Variants in IMMP2L observed in about 807,000 individuals in gnomAD.
IMMP2L encodes the protein mitochondrial inner membrane protease subunit 2.
A neutral mutation model predicts 19.3 loss-of-function variants in IMMP2L; 18 were observed. The ratio of observed to expected loss-of-function variants is 0.93; its 90% CI spans 0.64 to 1.38. The LOEUF is 1.38. IMMP2L is among the 40% of genes most tolerant of loss of function. IMMP2L has a pLI of 0.00. For synonymous variants in IMMP2L, 76 were observed against 73.0 expected, an observed-to-expected ratio of 1.04 and a Z score of -0.21; for missense variants, 233 against 218.2, an observed-to-expected ratio of 1.07 and a Z score of -0.43.
intron 5 of IMMP2L, among the ~76,000 whole-genome samples, chr7:110,722,710 A>T (rs988773252): frequency 1.3e-5 from 2 of 152,116 alleles, no homozygotes; most frequent in African/African-American, 2.4e-5. Flanking sequence ...AACATATACC[A>T]TTATTTCCAG....
intron 3 of IMMP2L, among the ~76,000 whole-genome samples, chr7:111,026,532 T>C (rs905388367): frequency 2.0e-5 from 3 of 152,108 alleles, no homozygotes; most frequent in African/African-American, 7.2e-5. Context: ...AGCCTCTCCC[T>C]GTGCCAATTA....
At chr7:110,681,053 TA>T (rs56082024) in intron 5 of IMMP2L, among the ~76,000 whole-genome samples, 8,490 of 146,878 alleles carry the variant, frequency 0.058, 285 homozygotes, top group Middle Eastern at 0.13. Context: ...TAGTAAGGAT[TA>T]AAAAAAAAAA....
At chr7:111,475,824 C>A (rs1020613845) in intron 3 of IMMP2L, among the ~76,000 whole-genome samples, 1 of 152,134 alleles carries the variant, frequency 6.6e-6, no homozygotes, top group South Asian at 2.1e-4. Context: ...ATTGCAACTA[C>A]AGACATAATC....
intron 3 of IMMP2L, among the ~76,000 whole-genome samples, chr7:111,215,553 A>G (rs1443045742): frequency 6.6e-6 from 1 of 152,178 alleles, no homozygotes; most frequent in Non-Finnish European, 1.5e-5. Flanking sequence ...AATTTCAAAA[A>G]AGATATACAT....
At chr7:110,932,398 G>C (rs955368833) in intron 4 of IMMP2L, among the ~76,000 whole-genome samples, 1 of 151,988 alleles carries the variant, frequency 6.6e-6, no homozygotes, top group Non-Finnish European at 1.5e-5. Context: ...CTGTCGCCCA[G>C]GCTGGAGTGC....
chr7:110,844,639 G>A (rs1217709762), intron 5 of IMMP2L, among the ~76,000 whole-genome samples: 1 of 117,202 alleles, frequency 8.5e-6, no homozygotes, highest in African/African-American at 3.1e-5. Context: ...GATAAATCTA[G>A]TCCTACGCAG....
At chr7:111,338,344 T>G (rs979589526) in intron 3 of IMMP2L, among the ~76,000 whole-genome samples, 1 of 151,984 alleles carries the variant, frequency 6.6e-6, no homozygotes, top group African/African-American at 2.4e-5. Context: ...CTTTTTTTGC[T>G]ATGAATCTCA....
At chr7:110,818,142 A>C (rs1463993692) in intron 5 of IMMP2L, among the ~76,000 whole-genome samples, 1 of 146,446 alleles carries the variant, frequency 6.8e-6, no homozygotes, top group African/African-American at 2.5e-5. Flanking sequence ...GAGTTTCTGC[A>C]CAGCAAAAGA....
chr7:111,500,724 G>T (rs975483211), intron 2 of IMMP2L, among the ~76,000 whole-genome samples: 1 of 152,152 alleles, frequency 6.6e-6, no homozygotes, highest in Non-Finnish European at 1.5e-5. Flanking sequence ...GTCTGGAGTG[G>T]ACATCTAGCA....
At chr7:111,265,999 G>T (rs140949376) in intron 3 of IMMP2L, among the ~76,000 whole-genome samples, 11 of 152,018 alleles carry the variant, frequency 7.2e-5, no homozygotes, top group Admixed American at 7.2e-4. Context: ...TCACACATGG[G>T]GGCATGCCTC....
intron 3 of IMMP2L, among the ~76,000 whole-genome samples, chr7:111,345,140 TA>T (rs1021026902): frequency 2.0e-5 from 3 of 152,152 alleles, no homozygotes; most frequent in Admixed American, 6.6e-5. Flanking sequence ...TAATATCACA[TA>T]AAACATTATC....
intron 4 of IMMP2L, among the ~76,000 whole-genome samples, chr7:110,953,329 C>G (rs978935246): frequency 2.6e-5 from 4 of 151,780 alleles, no homozygotes; most frequent in Non-Finnish European, 4.4e-5. Context: ...CCCCCACCCC[C>G]CGACAGGCCC....
chr7:111,417,755 G>C (rs1471850900), intron 3 of IMMP2L, among the ~76,000 whole-genome samples: 4 of 151,916 alleles, frequency 2.6e-5, no homozygotes, highest in African/African-American at 9.7e-5. Context: ...TCAATGCCTA[G>C]TCAAGTTTTC....
At chr7:111,555,954 A>T (rs1317086597) in intron 1 of IMMP2L, among the ~76,000 whole-genome samples, 6 of 145,202 alleles carry the variant, frequency 4.1e-5, no homozygotes, top group Non-Finnish European at 9.0e-5. Context: ...TCCTAAAGAA[A>T]TTAAAAATAG....
intron 5 of IMMP2L, among the ~76,000 whole-genome samples, chr7:110,884,687 G>T (rs2129545349): frequency 6.6e-6 from 1 of 152,156 alleles, no homozygotes; most frequent in East Asian, 1.9e-4. Context: ...CTTGCGAGTT[G>T]CTACAAACTT....
At chr7:111,082,405 G>T (rs1795957843) in intron 3 of IMMP2L, among the ~76,000 whole-genome samples, 1 of 152,156 alleles carries the variant, frequency 6.6e-6, no homozygotes, top group African/African-American at 2.4e-5. Context: ...TCTGTCTCAT[G>T]GAATGTTATT....
intron 5 of IMMP2L, among the ~76,000 whole-genome samples, chr7:110,674,815 C>T (rs1162188739): frequency 1.3e-5 from 2 of 152,154 alleles, no homozygotes; most frequent in Non-Finnish European, 2.9e-5. Flanking sequence ...CTCTCAGGGC[C>T]TCTCCAGAGC....
chr7:111,066,427 C>A (rs1465164948), intron 3 of IMMP2L, among the ~76,000 whole-genome samples: 1 of 151,848 alleles, frequency 6.6e-6, no homozygotes, highest in African/African-American at 2.4e-5. Flanking sequence ...ACAATAAAAA[C>A]AAAGCAGAAG....
intron 5 of IMMP2L, among the ~76,000 whole-genome samples, chr7:110,825,382 A>G (rs941420931): frequency 6.6e-6 from 1 of 152,184 alleles, no homozygotes; most frequent in Non-Finnish European, 1.5e-5. Context: ...TTGCCAAGTC[A>G]ATCCTAAGCC....
Sources: allele counts gnomAD v4.1 joint callset (sites outside exome capture counted in the v4.1 genomes callset), GRCh38; gene constraint gnomAD v4.1.1; transcripts MANE v1.5; gene names NCBI Gene and HGNC (gene_info 2026-07-23, HGNC 2026-07-21).